The following MAPK10 variants were observed in gnomAD, a reference collection of about 807,000 sequenced individuals.
MAPK10 encodes the protein mitogen-activated protein kinase 10, also known as JNK3 alpha protein kinase.
In MAPK10, 25 loss-of-function variants were observed where a neutral mutation model predicts 59.3. The observed-to-expected ratio is 0.42, with a 90% CI of 0.31 to 0.59. The LOEUF is 0.59. Among genes scored for constraint, MAPK10 ranks in the 20% least tolerant of loss-of-function variants. The pLI, the probability that MAPK10 is intolerant of heterozygous loss-of-function variation, is 0.15. For synonymous variants in MAPK10, 190 were observed against 200.5 expected (o/e 0.95, Z 0.44); for missense variants, 351 against 568.9 (o/e 0.62, Z 3.90).
chr4:86,279,917 G>C (rs1411374510), intron 2 of MAPK10, among the ~76,000 whole-genome samples: 4 of 152,100 alleles, frequency 2.6e-5, no homozygotes, highest in African/African-American at 9.7e-5. Flanking sequence ...GCCATCATAT[G>C]CTCTTCCAAC....
At chr4:86,031,708 C>T in intron 11 of MAPK10, 2 of 347,142 alleles carry the variant, frequency 5.8e-6, no homozygotes, top group Admixed American at 4.4e-5. Flanking sequence ...TGATTTAGAA[C>T]CCACGCCTAA....
intron 9 of MAPK10, chr4:86,081,701 C>T (rs1376629248): frequency 6.6e-6 from 1 of 151,918 alleles, no homozygotes; most frequent in African/African-American, 2.4e-5. Flanking sequence ...ATAAATATGA[C>T]AATGGCAAAA....
At chr4:86,536,741 G>A (rs1758269347) in intron 1 of MAPK10, among the ~76,000 whole-genome samples, 1 of 152,180 alleles carries the variant, frequency 6.6e-6, no homozygotes, top group Non-Finnish European at 1.5e-5. Flanking sequence ...AGTAAATGAT[G>A]ATTTGATATA....
intron 2 of MAPK10, among the ~76,000 whole-genome samples, chr4:86,287,594 C>T (rs1352155525): frequency 6.6e-6 from 1 of 152,106 alleles, no homozygotes; most frequent in Non-Finnish European, 1.5e-5. Flanking sequence ...CTTTTATTGT[C>T]CCTATATGTT....
At chr4:86,135,114 C>T (rs1380764224) in intron 4 of MAPK10, among the ~76,000 whole-genome samples, 2 of 152,196 alleles carry the variant, frequency 1.3e-5, no homozygotes, top group African/African-American at 4.8e-5. Flanking sequence ...GGGGGAGGGG[C>T]GCCCGCCATT....
intron 1 of MAPK10, among the ~76,000 whole-genome samples, chr4:86,546,037 G>T (rs1279495850): frequency 1.3e-5 from 2 of 151,734 alleles, no homozygotes; most frequent in East Asian, 3.9e-4. Context: ...GACTGCCTGA[G>T]CTCAGGAGTT....
At chr4:86,325,816 A>G (rs1330096099) in intron 2 of MAPK10, 1 of 152,190 alleles carries the variant, frequency 6.6e-6, no homozygotes, top group Non-Finnish European at 1.5e-5. Context: ...AATTATACAC[A>G]AAGAAAATAA....
intron 2 of MAPK10, among the ~76,000 whole-genome samples, chr4:86,351,917 G>C (rs575425565): frequency 6.6e-6 from 1 of 152,134 alleles, no homozygotes; most frequent in Non-Finnish European, 1.5e-5. Flanking sequence ...CACAAAAGAC[G>C]AAAATCAAAT....
upstream of MAPK10, among the ~76,000 whole-genome samples, chr4:86,364,633 A>T (rs1429045426): frequency 1.3e-5 from 2 of 152,200 alleles, no homozygotes; most frequent in African/African-American, 2.4e-5. Flanking sequence ...TATGCAATAC[A>T]AGTTAGTTTA....
Position 86,281,506 on chromosome 4 carries a change from A to AAAAATAAAATAAAAT in MAPK10, c.-7+73009_-7+73023dup, listed in dbSNP as rs141438558. On this transcript the variant is annotated intron_variant, in intron 2 of 13. Coordinates refer to ENST00000641462, the MANE Select transcript of MAPK10 (RefSeq NM_138982.4). ...GACAGAGCAAGACCCCCTCAAAATA[A>AAAAATAAAATAAAAT]AAAATAAAATAAAATAAAATAAAAT... Among the ~76,000 whole-genome samples the AAAAATAAAATAAAAT allele has an allele frequency of 1.9e-3, 286 of 148,628 alleles. 1 individual carries two copies. The highest frequency in any genetic ancestry group is 7.0e-3 in the African/African-American group (277 of 39,852).
chr4:86,476,962 T>A lies in MAPK10; in HGVS notation c.-263+116948A>T, dbSNP rs192340774. 1.5e-3 allele frequency among the ~76,000 whole-genome samples: 224 copies of A among 152,254 alleles called. 2 individuals carry two copies. The highest frequency in any genetic ancestry group is 4.9e-3 in the African/African-American group (204 of 41,544). On this transcript the variant is annotated intron_variant, in intron 1 of 4. Transcript: ENST00000502302. Reference sequence around the variant, plus strand: ...TGCGGGACCCCACTGAAAATCAGACTGTTCAACTTACCTGGCAGCCACTCC... The same window carrying A: ...TGCGGGACCCCACTGAAAATCAGACAGTTCAACTTACCTGGCAGCCACTCC...
At chr4:86,443,884 T>C (rs918271228) in intron 1 of MAPK10, among the ~76,000 whole-genome samples, 2 of 152,030 alleles carry the variant, frequency 1.3e-5, no homozygotes, top group Admixed American at 6.6e-5. Context: ...CATGCAAGAA[T>C]AGATGCGTAA....
intron 1 of MAPK10, among the ~76,000 whole-genome samples, chr4:86,461,479 C>T (rs1751741869): frequency 6.6e-6 from 1 of 152,118 alleles, no homozygotes; most frequent in Admixed American, 6.5e-5. Context: ...CTTTGGGAGG[C>T]CAAGGTGGGT....
intron 2 of MAPK10, among the ~76,000 whole-genome samples, chr4:86,330,570 C>T (rs1276539008): frequency 6.6e-6 from 1 of 152,130 alleles, no homozygotes; most frequent in Non-Finnish European, 1.5e-5. Flanking sequence ...CTCAGGAGAT[C>T]TGATGGTTTT....
At chr4:86,500,213 T>C (rs1254549454) in intron 1 of MAPK10, among the ~76,000 whole-genome samples, 2 of 152,170 alleles carry the variant, frequency 1.3e-5, no homozygotes, top group Admixed American at 1.3e-4. Flanking sequence ...GGTGATTTGA[T>C]CCTCAAAACT....
At chr4:86,367,870 C>G (rs1578932770) in intron 1 of MAPK10, among the ~76,000 whole-genome samples, 1 of 151,990 alleles carries the variant, frequency 6.6e-6, no homozygotes, top group East Asian at 1.9e-4. Flanking sequence ...GTAGCCAAAC[C>G]CATCTTGGTT....
In MAPK10 at chr4:86,432,209, T is replaced by C. The variant is rs942663926; in HGVS notation, c.-122+20821A>G. 7.2e-5 allele frequency among the ~76,000 whole-genome samples: 11 copies of C among 152,298 alleles called. 1 individual carries two copies. In the Middle Eastern group the frequency reaches 0.037, roughly 518 times the overall value. On this transcript the variant is annotated intron_variant, in intron 1 of 13. Transcript: ENST00000361569. ...TTTTCAAGGTTTTTCTGGGGTCCCC[T>C]GGGCCAAGAAGAGGCCCATTCAGTC...
chr4:86,373,740 GAA>G (rs1578962618), intron 1 of MAPK10, among the ~76,000 whole-genome samples: 1 of 152,114 alleles, frequency 6.6e-6, no homozygotes, highest in East Asian at 1.9e-4. Flanking sequence ...GTGATCATGA[GAA>G]AGTCAGGAAA....
intron 3 of MAPK10, among the ~76,000 whole-genome samples, chr4:86,168,997 G>A (rs1282131233): frequency 6.6e-6 from 1 of 152,166 alleles, no homozygotes; most frequent in African/African-American, 2.4e-5. Context: ...ACCTGCAGCT[G>A]AGGGTCCTGT....
Sources: allele counts gnomAD v4.1 joint callset (sites outside exome capture counted in the v4.1 genomes callset), GRCh38; gene constraint gnomAD v4.1.1; transcripts MANE v1.5; gene names NCBI Gene and HGNC (gene_info 2026-07-23, HGNC 2026-07-21).